Variants in SERPINI1 observed in about 807,000 individuals in gnomAD.
SERPINI1 encodes the protein serpin family I member 1.
A neutral mutation model predicts 41.1 loss-of-function variants in SERPINI1; 19 were observed. That is an observed-to-expected ratio of 0.46 (90% CI 0.32 to 0.68). SERPINI1 has a LOEUF of 0.68. SERPINI1 is among the 30% of genes least tolerant of loss of function. SERPINI1 has a pLI of 0.03. For synonymous variants in SERPINI1, 138 were observed against 156.6 expected (o/e 0.88, Z 0.89); for missense variants, 460 against 479.2 (o/e 0.96, Z 0.37).
At chr3:167,739,201 C>G (rs557806894) in intron 1 of SERPINI1, among the ~76,000 whole-genome samples, 1 of 148,118 alleles carries the variant, frequency 6.8e-6, no homozygotes, top group East Asian at 2.0e-4. Flanking sequence ...GTTATTAACT[C>G]TTAGAGACCA....
At chr3:167,816,756 A>T (rs567919921) in intron 6 of SERPINI1, among the ~76,000 whole-genome samples, 60 of 152,240 alleles carry the variant, frequency 3.9e-4, no homozygotes, top group African/African-American at 1.3e-3. Context: ...TGATTTAGGA[A>T]TTAGAGGAGA....
intron 5 of SERPINI1, among the ~76,000 whole-genome samples, chr3:167,806,390 C>T (rs1038051280): frequency 1.3e-5 from 2 of 151,920 alleles, no homozygotes; most frequent in African/African-American, 4.8e-5. Context: ...GAGCTTAAAA[C>T]TTAGATGATG....
At chr3:167,813,121 A>G (rs16851499) in intron 6 of SERPINI1, among the ~76,000 whole-genome samples, 4,020 of 152,148 alleles carry the variant, frequency 0.026, 160 homozygotes, top group African/African-American at 0.092. Flanking sequence ...TGCTGGACCT[A>G]CTCTTACCCT....
At chr3:167,797,417 C>T (rs977099889) in intron 5 of SERPINI1, among the ~76,000 whole-genome samples, 15 of 152,038 alleles carry the variant, frequency 9.9e-5, no homozygotes, top group African/African-American at 3.6e-4. Flanking sequence ...GTAATCTTTG[C>T]CTGTGTCTGT....
intron 3 of SERPINI1, among the ~76,000 whole-genome samples, chr3:167,792,266 G>A (rs1445851299): frequency 6.6e-6 from 1 of 152,056 alleles, no homozygotes; most frequent in African/African-American, 2.4e-5. Context: ...TGTAGTTTGT[G>A]TATCAGGAAG....
intron 1 of SERPINI1, among the ~76,000 whole-genome samples, chr3:167,772,848 C>CTATA: frequency 3.9e-5 from 1 of 25,598 alleles, no homozygotes; most frequent in Non-Finnish European, 7.2e-5. Context: ...CTCTCTCTCT[C>CTATA]TCTCTCTCTC....
intron 1 of SERPINI1, among the ~76,000 whole-genome samples, chr3:167,767,425 G>A (rs187915321): frequency 4.1e-4 from 62 of 152,286 alleles, no homozygotes; most frequent in Non-Finnish European, 6.3e-4. Context: ...GATTAATGTT[G>A]TCTTCATGCC....
chr3:167,810,341 T>C (rs6783981), intron 6 of SERPINI1, among the ~76,000 whole-genome samples: 82,535 of 151,844 alleles, frequency 0.54, 24,492 homozygotes, highest in African/African-American at 0.76. Flanking sequence ...GAGAATCTCA[T>C]GGTGTTTAGG....
intron 6 of SERPINI1, among the ~76,000 whole-genome samples, chr3:167,814,693 T>C (rs554725450): frequency 6.6e-6 from 1 of 152,300 alleles, no homozygotes; most frequent in East Asian, 1.9e-4. Flanking sequence ...ATGTAGTGGG[T>C]ACTGAAGAAA....
chr3:167,765,604 G>T lies in SERPINI1; in HGVS notation c.-18-23507G>T, dbSNP rs1055286391. ...GGAGACATTTTCCCTATTGTCTTGG[G>T]GATAACATTCAGCTCCTTGTTACTT... On this transcript the variant is annotated intron_variant, in intron 1 of 8. Coordinates refer to ENST00000446050, the MANE Select transcript of SERPINI1 (RefSeq NM_001122752.2). Among the ~76,000 whole-genome samples the T allele has an allele frequency of 2.0e-5, 3 of 152,178 alleles. No homozygotes were observed. In the South Asian group the frequency reaches 6.2e-4, roughly 31 times the overall value.
intron 1 of SERPINI1, among the ~76,000 whole-genome samples, chr3:167,750,482 G>T (rs752392733): frequency 3.2e-4 from 49 of 152,316 alleles, no homozygotes; most frequent in Admixed American, 8.5e-4. Context: ...ATGCTTATTT[G>T]TGTATCATGT....
intron 1 of SERPINI1, among the ~76,000 whole-genome samples, chr3:167,766,143 C>T (rs775063372): frequency 6.6e-6 from 1 of 151,850 alleles, no homozygotes; most frequent in Non-Finnish European, 1.5e-5. Context: ...CAGCAATGCA[C>T]CACCCTACTG....
At chr3:167,816,181 C>A (rs994304490) in intron 6 of SERPINI1, among the ~76,000 whole-genome samples, 1 of 152,076 alleles carries the variant, frequency 6.6e-6, no homozygotes, top group Non-Finnish European at 1.5e-5. Flanking sequence ...GTAGCTGGGA[C>A]TACCACGCCC....
chr3:167,740,324 C>A (rs890819305), intron 1 of SERPINI1, among the ~76,000 whole-genome samples: 2 of 152,140 alleles, frequency 1.3e-5, no homozygotes, highest in African/African-American at 4.8e-5. Flanking sequence ...AACCACCATG[C>A]CTTGCTGATA....
intron 1 of SERPINI1, among the ~76,000 whole-genome samples, chr3:167,748,727 C>G (rs1725940956): frequency 6.7e-6 from 1 of 150,202 alleles, no homozygotes; most frequent in Non-Finnish European, 1.5e-5. Context: ...GCAGTCAGCA[C>G]ACAGGTAAGA....
intron 3 of SERPINI1, among the ~76,000 whole-genome samples, chr3:167,792,018 A>C (rs1272106893): frequency 1.3e-5 from 2 of 152,122 alleles, no homozygotes; most frequent in Non-Finnish European, 2.9e-5. Flanking sequence ...CCAGCTGTTC[A>C]GGAGGCTGAG....
intron 1 of SERPINI1, among the ~76,000 whole-genome samples, chr3:167,747,189 T>C (rs191325842): frequency 6.6e-6 from 1 of 152,206 alleles, no homozygotes; most frequent in Admixed American, 6.5e-5. Context: ...ATGTGAAATA[T>C]CTAGAATAGG....
At chr3:167,825,011 C>A (rs2108576320) in intron 8 of SERPINI1, among the ~76,000 whole-genome samples, 1 of 151,770 alleles carries the variant, frequency 6.6e-6, no homozygotes, top group Middle Eastern at 3.4e-3. Context: ...AGAGCCACTG[C>A]ACTCCAGCCT....
chr3:167,812,995 A>G (rs1029213221), intron 6 of SERPINI1, among the ~76,000 whole-genome samples: 3 of 152,200 alleles, frequency 2.0e-5, no homozygotes, highest in African/African-American at 7.2e-5. Context: ...GGAGAAAGAG[A>G]GTACTAAATC....
Sources: allele counts gnomAD v4.1 joint callset (sites outside exome capture counted in the v4.1 genomes callset), GRCh38; gene constraint gnomAD v4.1.1; transcripts MANE v1.5; gene names NCBI Gene and HGNC (gene_info 2026-07-23, HGNC 2026-07-21).